GNG7: variants seen among roughly 807,000 people sequenced by gnomAD.
The protein encoded by GNG7 is guanine nucleotide-binding protein G(I)/G(S)/G(O) subunit gamma-7.
GNG7 carries 1 observed loss-of-function variant against 4.0 expected under a neutral mutation model. The observed-to-expected ratio is 0.25, with a 90% CI of 0.09 to 1.18. GNG7 has a LOEUF of 1.18. Among genes scored for constraint, GNG7 ranks in the 50% most tolerant of loss-of-function variants. GNG7 has a pLI of 0.50. For missense variants in GNG7, 86 were observed against 91.9 expected, an observed-to-expected ratio of 0.94 and a Z score of 0.26; for synonymous variants, 34 against 36.9, an observed-to-expected ratio of 0.92 and a Z score of 0.29.
chr19:2,585,867 T>A (rs1344284175), intron 2 of GNG7, among the ~76,000 whole-genome samples: 2 of 151,946 alleles, frequency 1.3e-5, no homozygotes, highest in African/African-American at 4.8e-5. Flanking sequence ...CGCCCGGCTA[T>A]TTTTTTGTAT....
chr19:2,595,563 G>A (rs1030581055), intron 2 of GNG7, among the ~76,000 whole-genome samples: 5 of 151,814 alleles, frequency 3.3e-5, no homozygotes, highest in African/African-American at 9.7e-5. Flanking sequence ...GCAAAACTCC[G>A]TCTCTAGTAA....
intron 1 of GNG7, among the ~76,000 whole-genome samples, chr19:2,701,466 C>G (rs2144666447): frequency 6.6e-6 from 1 of 151,270 alleles, no homozygotes; most frequent in African/African-American, 2.4e-5. Flanking sequence ...CCCATTTCCC[C>G]TGATAGCCCC....
At position 2,634,227 on chromosome 19, in the gene GNG7, A is replaced by G. The variant is rs533930324; in HGVS notation, c.-78+11997T>C. ...AATGAACCCAGAGTTTCTCCCCCTC[A>G]GCACTGTGGACATTTGAGGCCCGAT... On this transcript the variant is annotated intron_variant, in intron 2 of 4. Coordinates refer to ENST00000382159, the MANE Select transcript of GNG7 (RefSeq NM_052847.3). The surrounding 1 kb of genome is among the most constrained non-coding windows in gnomAD (Gnocchi z 5.3). 2.0e-4 allele frequency among the ~76,000 whole-genome samples: 30 copies of G among 151,760 alleles called. 1 individual carries two copies. Among genetic ancestry groups the G allele is most frequent in the Admixed American group, 1.2e-3 (18 of 15,282 alleles).
chr19:2,561,714 TAA>T (rs370642587), intron 2 of GNG7, among the ~76,000 whole-genome samples: 19 of 136,770 alleles, frequency 1.4e-4, no homozygotes, highest in Non-Finnish European at 1.3e-4. Context: ...CCGTCTCTAC[TAA>T]AAAAAAAAAA....
At chr19:2,575,052 TTTC>T (rs1980264044) in intron 2 of GNG7, among the ~76,000 whole-genome samples, 1 of 151,732 alleles carries the variant, frequency 6.6e-6, no homozygotes, top group Non-Finnish European at 1.5e-5. Context: ...GGAATCTCTC[TTTC>T]TTTTTTCTTT....
intron 1 of GNG7, among the ~76,000 whole-genome samples, chr19:2,696,290 GAGAGAA>G (rs754408798): frequency 0.012 from 1,501 of 126,650 alleles, 8 homozygotes; most frequent in Middle Eastern, 0.058. Context: ...AAAAGAGAGA[GAGAGAA>G]AGAAAGAAAG....
At chr19:2,661,288 A>AAGAGAG (rs1290851616) in intron 1 of GNG7, among the ~76,000 whole-genome samples, 4 of 47,274 alleles carry the variant, frequency 8.5e-5, no homozygotes, top group Non-Finnish European at 1.2e-4. Flanking sequence ...GAAAGAAAGA[A>AAGAGAG]AGAAAGAAAG....
intron 1 of GNG7, among the ~76,000 whole-genome samples, chr19:2,649,145 C>T (rs1274181290): frequency 3.3e-5 from 5 of 151,982 alleles, no homozygotes; most frequent in African/African-American, 1.2e-4. Flanking sequence ...CTATGTTATC[C>T]AGCCTGGTCT....
intron 2 of GNG7, among the ~76,000 whole-genome samples, chr19:2,563,397 C>T (rs1168228686): frequency 2.0e-5 from 3 of 152,206 alleles, no homozygotes; most frequent in East Asian, 3.8e-4. Flanking sequence ...GGGAGCACCC[C>T]GTAGTCGTGA....
Position 2,614,660 on chromosome 19 carries a change from A to G in GNG7, c.-78+31564T>C, listed in dbSNP as rs1981669907. The stretch of plus-strand genomic sequence containing the variant: ...GGCTGAGTCTCGTTCCAGTGTGTGG[A>G]GGGCCACGCTGTTTATCTATTTACC... On this transcript the variant is annotated intron_variant, in intron 2 of 4. Transcript: ENST00000382159. The surrounding 1 kb of genome is among the most constrained non-coding windows in gnomAD (Gnocchi z 6.0). Among the ~76,000 whole-genome samples the G allele has an allele frequency of 6.6e-6, 1 of 152,134 alleles. No individual in the cohort carries two copies. Among genetic ancestry groups the G allele is most frequent in the South Asian group, 2.1e-4 (1 of 4,824 alleles).
In GNG7 at chr19:2,514,968, CAGAGAGAGAGAGAGAGAAAGAG is replaced by C; in HGVS notation, c.*32_*53del. The C allele has an allele frequency of 8.1e-7, 1 of 1,238,358 alleles. No homozygotes were observed. Among genetic ancestry groups the C allele is most frequent in the Non-Finnish European group, 1.2e-6 (1 of 866,236 alleles). The allele number at this position is 1,238,358 out of a possible 1,614,324, so 76.7% of individuals were successfully genotyped here. ...GCCCTGCCTGAGACAGAGACAGAGACAGAGAGAGAGAGAGAGAAAGAGAGAGAGAGAGAGAGAACATATGAGA... is the reference window on the plus strand; with the variant it reads ...GCCCTGCCTGAGACAGAGACAGAGACAGAGAGAGAGAGAGAACATATGAGA... On this transcript the variant is annotated 3_prime_UTR_variant, in exon 5 of 5. Coordinates refer to ENST00000382159, the MANE Select transcript of GNG7 (RefSeq NM_052847.3).
intron 1 of GNG7, among the ~76,000 whole-genome samples, chr19:2,679,988 C>T (rs1431292386): frequency 6.6e-6 from 1 of 152,202 alleles, no homozygotes; most frequent in East Asian, 1.9e-4. Flanking sequence ...GAGAAACCCA[C>T]AGGGAGAAAA....
At chr19:2,681,731 C>T (rs919823998) in intron 1 of GNG7, among the ~76,000 whole-genome samples, 8 of 152,100 alleles carry the variant, frequency 5.3e-5, no homozygotes, top group African/African-American at 1.4e-4. Context: ...TTCCCAGCAG[C>T]GACGCATGAG....
At chr19:2,646,395 A>G (rs1982667452) in intron 1 of GNG7, 115 bp from the exon 2 acceptor site, 1 of 152,218 alleles carries the variant, frequency 6.6e-6, no homozygotes. Flanking sequence ...AAGGACAGAA[A>G]TCATTTTGGC....
chr19:2,591,121 A>G (rs79060240), intron 2 of GNG7, among the ~76,000 whole-genome samples: 3,184 of 152,334 alleles, frequency 0.021, 89 homozygotes, highest in East Asian at 0.16. Context: ...TGATGCTCTC[A>G]GTAACCTAGC....
intron 1 of GNG7, among the ~76,000 whole-genome samples, chr19:2,671,669 G>A (rs1000516154): frequency 1.3e-5 from 2 of 152,158 alleles, no homozygotes; most frequent in African/African-American, 4.8e-5. Context: ...ATCAGGCACC[G>A]CTCCTGCCCC....
intron 3 of GNG7, among the ~76,000 whole-genome samples, chr19:2,532,548 A>G (rs1978629012): frequency 6.6e-6 from 1 of 152,214 alleles, no homozygotes; most frequent in Non-Finnish European, 1.5e-5. Flanking sequence ...AGAATGAAGC[A>G]GGAACAATCT....
chr19:2,652,003 C>T (rs887000542), intron 1 of GNG7, among the ~76,000 whole-genome samples: 6 of 151,358 alleles, frequency 4.0e-5, no homozygotes, highest in Non-Finnish European at 8.8e-5. Context: ...AGTGAAACCC[C>T]GTCTGTACTA....
chr19:2,542,754 G>A (rs572227149), intron 3 of GNG7, among the ~76,000 whole-genome samples: 3 of 152,314 alleles, frequency 2.0e-5, no homozygotes, highest in Non-Finnish European at 4.4e-5. Flanking sequence ...CCAGGCTGGA[G>A]GGCCCCCCGG....
Sources: gnomAD v4.1 joint callset for allele counts (sites outside exome capture counted in the v4.1 genomes callset) on GRCh38, gnomAD v4.1.1 for gene constraint, Gnocchi (gnomAD v3.1) non-coding constraint, MANE v1.5 for transcripts, NCBI Gene and HGNC (gene_info 2026-07-23, HGNC 2026-07-21) for gene names.